The following FOCAD variants were observed in gnomAD, a reference collection of about 807,000 sequenced individuals.
FOCAD encodes KIAA1797.
FOCAD carries 198 observed loss-of-function variants against 225.6 expected under a neutral mutation model. That is an observed-to-expected ratio of 0.88 (90% CI 0.78 to 0.99). The LOEUF is 0.99. FOCAD is among the 50% of genes least tolerant of loss of function. FOCAD has a pLI of 0.00. For missense variants in FOCAD, 2,713 were observed against 2,123.6 expected, an observed-to-expected ratio of 1.28 and a Z score of -5.46; for synonymous variants, 897 against 755.0, an observed-to-expected ratio of 1.19 and a Z score of -3.08.
At chr9:20,680,636 G>T (rs1822373892), upstream of FOCAD, among the ~76,000 whole-genome samples, 1 of 152,094 alleles carries the variant, frequency 6.6e-6, no homozygotes, top group Non-Finnish European at 1.5e-5. Flanking sequence ...AAGAGGATAG[G>T]ACTAGGAGTC....
At chr9:20,697,610 CAG>C (rs1036009423) in intron 1 of FOCAD, among the ~76,000 whole-genome samples, 14 of 152,376 alleles carry the variant, frequency 9.2e-5, no homozygotes, top group Admixed American at 8.5e-4. Context: ...ATGTCACTAT[CAG>C]AAAGAGCTTT....
intron 28 of FOCAD, among the ~76,000 whole-genome samples, chr9:20,936,803 T>C (rs749059561): frequency 6.6e-6 from 1 of 152,222 alleles, no homozygotes; most frequent in Non-Finnish European, 1.5e-5. Flanking sequence ...TGTTTGTAGA[T>C]GGCATGATTG....
chr9:20,745,833 G>A (rs921569619), intron 5 of FOCAD, among the ~76,000 whole-genome samples: 12 of 152,184 alleles, frequency 7.9e-5, no homozygotes, highest in Admixed American at 2.6e-4. Context: ...GGCAGATGGT[G>A]TGCTCGGAAG....
chr9:20,922,706 A>T (rs544311041), intron 24 of FOCAD, among the ~76,000 whole-genome samples: 36 of 152,304 alleles, frequency 2.4e-4, no homozygotes, highest in African/African-American at 8.2e-4. Flanking sequence ...TCGGGTTTGA[A>T]GTCCAAATTT....
chr9:20,963,875 G>A (rs1839003869), intron 35 of FOCAD, among the ~76,000 whole-genome samples: 1 of 152,120 alleles, frequency 6.6e-6, no homozygotes, highest in Non-Finnish European at 1.5e-5. Context: ...TATTACACCT[G>A]ATTTTGCCTT....
At chr9:20,732,854 G>A (rs1826831490) in intron 4 of FOCAD, among the ~76,000 whole-genome samples, 1 of 152,086 alleles carries the variant, frequency 6.6e-6, no homozygotes, top group Non-Finnish European at 1.5e-5. Context: ...TATGTCAAAG[G>A]TGACTCCTTG....
At chr9:20,914,999 A>G (rs1463696176) in intron 23 of FOCAD, among the ~76,000 whole-genome samples, 1 of 152,240 alleles carries the variant, frequency 6.6e-6, no homozygotes, top group Non-Finnish European at 1.5e-5. Flanking sequence ...GGGATCAATC[A>G]AAGATACTCC....
chr9:20,900,612 G>A (rs1259363234), intron 21 of FOCAD, among the ~76,000 whole-genome samples: 1 of 151,876 alleles, frequency 6.6e-6, no homozygotes, highest in East Asian at 1.9e-4. Context: ...GTTAGCATCT[G>A]TGCAATATGA....
Position 20,982,396 on chromosome 9 carries a change from C to T in FOCAD, c.4678C>T (p.Leu1560Phe). Reference sequence around the variant, plus strand: ...GCTGTATATCAGCATAGCAAAATGCCTCTTAGAAATGACAGATGATGATGC... The same window carrying T: ...GCTGTATATCAGCATAGCAAAATGCTTCTTAGAAATGACAGATGATGATGC... Reference protein sequence around the residue: ...LELYISIAKCLLEMTDDDANR... With the variant: ...LELYISIAKCFLEMTDDDANR... The change falls in exon 39 of 44, where the codon CTC becomes TTC. Residue 1560 changes from leucine to phenylalanine, a missense_variant. Physicochemically the swap from Leu to Phe is conservative, Grantham distance 22. Transcript: ENST00000338382. 1.9e-6 allele frequency: 3 copies of T among 1,613,870 alleles called. No individual in the cohort carries two copies. The highest frequency in any genetic ancestry group is 1.7e-6 in the Non-Finnish European group (2 of 1,179,850).
intron 15 of FOCAD, among the ~76,000 whole-genome samples, chr9:20,857,279 G>A (rs1431214092): frequency 6.6e-6 from 1 of 151,524 alleles, no homozygotes; most frequent in Non-Finnish European, 1.5e-5. Flanking sequence ...CTTCATCAAT[G>A]TTTCATAGTT....
intron 10 of FOCAD, among the ~76,000 whole-genome samples, chr9:20,787,681 A>C (rs1035675028): frequency 4.5e-4 from 67 of 150,218 alleles, no homozygotes; most frequent in African/African-American, 1.6e-3. Context: ...CTTGCCTTTG[A>C]TTCCAGCTGT....
In FOCAD at chr9:20,862,717, G is replaced by T; in HGVS notation, c.2055+5G>T. The T allele has an allele frequency of 6.2e-7, 1 of 1,608,142 alleles. No homozygotes were observed. ...GTCAATACAACTGAATATGAGGTAT[G>T]CATTTGGAGCTCAGCACATTGCCTG... On this transcript the variant is annotated splice_donor_5th_base_variant and intron_variant, in intron 16 of 43. Coordinates refer to ENST00000338382, the MANE Select transcript of FOCAD (RefSeq NM_001375567.1).
At chr9:20,734,044 T>C (rs1453953237) in intron 4 of FOCAD, among the ~76,000 whole-genome samples, 3 of 152,194 alleles carry the variant, frequency 2.0e-5, no homozygotes, top group Non-Finnish European at 2.9e-5. Context: ...AAAGTCTTTT[T>C]CGCACTTTGA....
rs553022226 is a variant in FOCAD, at chr9:20,916,771, C to G, written c.2808-122C>G. On this transcript the variant is annotated intron_variant, in intron 23 of 43. Transcript: ENST00000338382. ...AGTTCTTTCACCTTATACTGAAATTCTACCTGTATAGTTTTAAGATCTGGA... is the reference window on the plus strand; with the variant it reads ...AGTTCTTTCACCTTATACTGAAATTGTACCTGTATAGTTTTAAGATCTGGA... 1.1e-5 allele frequency: 9 copies of G among 832,300 alleles called. No homozygotes were observed. The South Asian group carries it at 1.4e-4, about 13-fold the overall frequency. 51.6% of individuals were successfully genotyped at this position (832,300 alleles called of 1,614,324 possible). A position where few individuals can be genotyped will look rare whatever the true frequency, so the allele number is the denominator to read the frequency against.
At chr9:20,896,698 G>T (rs951113396) in intron 21 of FOCAD, among the ~76,000 whole-genome samples, 3 of 151,814 alleles carry the variant, frequency 2.0e-5, no homozygotes, top group Non-Finnish European at 4.4e-5. Flanking sequence ...TGGCCAGAGA[G>T]TCTGTAGTGA....
At chr9:20,759,512 G>T (rs936161146) in intron 6 of FOCAD, among the ~76,000 whole-genome samples, 15 of 152,150 alleles carry the variant, frequency 9.9e-5, no homozygotes, top group African/African-American at 1.4e-4. Context: ...TAGCCATACG[G>T]AGAAAGCTGA....
intron 41 of FOCAD, 30 bp from the exon 42 acceptor site, chr9:20,990,093 G>T: frequency 6.2e-7 from 1 of 1,612,196 alleles, no homozygotes. Flanking sequence ...TAAAAAATAT[G>T]ACCTAACGTC....
At chr9:20,875,550 T>C (rs1285234718) in intron 19 of FOCAD, 4 of 150,304 alleles carry the variant, frequency 2.7e-5, no homozygotes, top group Non-Finnish European at 5.9e-5. Context: ...GCTGGGATCA[T>C]GCCACTGCAT....
chr9:20,953,945 A>G (rs1191317883), intron 35 of FOCAD, among the ~76,000 whole-genome samples: 2 of 152,208 alleles, frequency 1.3e-5, no homozygotes, highest in Admixed American at 6.5e-5. Flanking sequence ...TGTGAGGGTC[A>G]TGGAAGTAAA....
Sources: gnomAD v4.1 joint callset for allele counts (sites outside exome capture counted in the v4.1 genomes callset) on GRCh38, gnomAD v4.1.1 for gene constraint, MANE v1.5 for transcripts, NCBI Gene and HGNC (gene_info 2026-07-23, HGNC 2026-07-21) for gene names.